Variants in RGPD1 observed in about 807,000 individuals in gnomAD.
RGPD1 encodes RANBP2 like and GRIP domain containing 1.
In RGPD1, 7 loss-of-function variants were observed where a neutral mutation model predicts 40.6. The ratio of observed to expected loss-of-function variants is 0.17; its 90% CI spans 0.10 to 0.32. RGPD1 has a LOEUF of 0.32. Ranked by LOEUF, RGPD1 falls within the 10% of genes least tolerant of loss-of-function variation. RGPD1 has a pLI of 1.00. For synonymous variants in RGPD1, 24 were observed against 167.0 expected, an observed-to-expected ratio of 0.14 and a Z score of 6.60; for missense variants, 50 against 472.5, an observed-to-expected ratio of 0.11 and a Z score of 8.29.
At chr2:86,915,492 A>C (rs1039113817) in intron 1 of RGPD1, among the ~76,000 whole-genome samples, 1 of 110,590 alleles carries the variant, frequency 9.0e-6, no homozygotes, top group African/African-American at 3.7e-5. Flanking sequence ...ATAATGGAAG[A>C]AATTAAATAA....
chr2:86,945,750 G>A (rs1169442313), intron 1 of RGPD1, among the ~76,000 whole-genome samples: 29 of 149,358 alleles, frequency 1.9e-4, no homozygotes, highest in African/African-American at 6.6e-4. Context: ...TGGTGGCAGC[G>A]CCTGTAGTCC....
intron 22 of RGPD1, among the ~76,000 whole-genome samples, chr2:87,009,055 C>T (rs1329257682): frequency 6.7e-6 from 1 of 148,806 alleles, no homozygotes; most frequent in Non-Finnish European, 1.5e-5. Context: ...CCTATAATGC[C>T]AGCAATTTGG....
intron 6 of RGPD1, among the ~76,000 whole-genome samples, chr2:86,962,613 T>C (rs1430135384): frequency 5.8e-4 from 77 of 133,036 alleles, no homozygotes; most frequent in East Asian, 3.0e-3. Flanking sequence ...CTGTCAGTTA[T>C]TTACTTATAA....
rs181126871 is a variant in RGPD1, at chr2:86,919,467, A to G, written c.72+5546A>G. On this transcript the variant is annotated intron_variant, in intron 1 of 22. Coordinates refer to the RGPD1 transcript ENST00000398193. ...CACTCAGAGTAAAGGCCATAGGCTT[A>G]TAAGGTGCCATGTGACCTAGCCCTT... Among the ~76,000 whole-genome samples the G allele has an allele frequency of 5.5e-5, 7 of 127,884 alleles. No homozygotes were observed. In the East Asian group the frequency reaches 1.6e-3, roughly 29 times the overall value. 83.9% of individuals were successfully genotyped at this position (127,884 alleles called of 152,430 possible). A position where few individuals can be genotyped will look rare whatever the true frequency, so the allele number is the denominator to read the frequency against.
At chr2:86,944,620 C>G (rs925791632) in intron 1 of RGPD1, among the ~76,000 whole-genome samples, 1 of 152,064 alleles carries the variant, frequency 6.6e-6, no homozygotes, top group African/African-American at 2.4e-5. Flanking sequence ...ACCATGTTGC[C>G]CAGGCTGTTC....
At chr2:86,931,928 A>G (rs1313558203) in intron 1 of RGPD1, among the ~76,000 whole-genome samples, 5 of 148,412 alleles carry the variant, frequency 3.4e-5, no homozygotes, top group Non-Finnish European at 7.4e-5. Context: ...TAATATATTC[A>G]TTATATATAT....
At chr2:86,931,972 T>C (rs1401036159) in intron 1 of RGPD1, among the ~76,000 whole-genome samples, 2 of 148,512 alleles carry the variant, frequency 1.3e-5, no homozygotes, top group African/African-American at 2.4e-5. Flanking sequence ...TATATATTTA[T>C]ATATAATATT....
intron 1 of RGPD1, among the ~76,000 whole-genome samples, chr2:86,934,197 T>TA (rs1679183388): frequency 7.4e-6 from 1 of 135,210 alleles, no homozygotes; most frequent in Admixed American, 7.4e-5. Context: ...CCATCTCTAC[T>TA]AAAAATACAA....
At chr2:86,939,185 A>C (rs1679552334), upstream of RGPD1, among the ~76,000 whole-genome samples, 1 of 93,472 alleles carries the variant, frequency 1.1e-5, no homozygotes, top group Non-Finnish European at 2.1e-5. Context: ...AAAAAAAAGT[A>C]GTGTGAAATG....
intron 1 of RGPD1, among the ~76,000 whole-genome samples, chr2:86,928,298 G>A (rs1170069165): frequency 6.6e-6 from 1 of 152,156 alleles, no homozygotes; most frequent in Non-Finnish European, 1.5e-5. Context: ...CCAGGAATGA[G>A]CCTGGTATGA....
At chr2:86,927,839 G>GA (rs1245993008) in intron 1 of RGPD1, among the ~76,000 whole-genome samples, 1 of 67,116 alleles carries the variant, frequency 1.5e-5, no homozygotes, top group African/African-American at 1.1e-4. Flanking sequence ...AGGATGTGGG[G>GA]ATCCCATCAA....
intron 1 of RGPD1, among the ~76,000 whole-genome samples, chr2:86,925,862 G>A (rs563062995): frequency 2.6e-5 from 4 of 152,076 alleles, no homozygotes; most frequent in Admixed American, 6.6e-5. Context: ...GAGCCACCAC[G>A]CCTGGCCTTG....
upstream of RGPD1, among the ~76,000 whole-genome samples, chr2:86,941,065 AAG>A (rs1679707181): frequency 6.6e-6 from 1 of 151,604 alleles, no homozygotes; most frequent in Admixed American, 6.6e-5. Context: ...GAAAAACAAA[AAG>A]GATAAAAAAT....
chr2:87,010,927 G>T (rs1224876232), intron 22 of RGPD1, among the ~76,000 whole-genome samples: 2 of 97,930 alleles, frequency 2.0e-5, no homozygotes, highest in African/African-American at 5.4e-5. Context: ...AAAAAATCAG[G>T]TTAATTCTGG....
chr2:86,918,412 C>T (rs1212860879), intron 1 of RGPD1, among the ~76,000 whole-genome samples: 2 of 146,114 alleles, frequency 1.4e-5, no homozygotes, highest in Admixed American at 1.4e-4. Context: ...CCAGGTAGCT[C>T]AGCTGTACCA....
chr2:86,954,704 T>C (rs982052001), intron 4 of RGPD1, among the ~76,000 whole-genome samples: 4 of 146,022 alleles, frequency 2.7e-5, no homozygotes, highest in African/African-American at 1.0e-4. Context: ...ATACTCAACC[T>C]GTTTAACCCG....
intron 1 of RGPD1, chr2:86,913,984 G>GGCGGC (rs1677573855): frequency 2.0e-6 from 2 of 990,436 alleles, no homozygotes; most frequent in African/African-American, 2.7e-5. Flanking sequence ...CGACCTGGCC[G>GGCGGC]GGCGGCGGCG....
At chr2:86,924,185 T>C (rs1192665287) in intron 1 of RGPD1, among the ~76,000 whole-genome samples, 1 of 150,518 alleles carries the variant, frequency 6.6e-6, no homozygotes, top group Non-Finnish European at 1.5e-5. Flanking sequence ...GGACAGAGTC[T>C]TGCTGTGTCA....
chr2:86,939,289 T>C (rs1337487140), upstream of RGPD1, among the ~76,000 whole-genome samples: 1 of 145,144 alleles, frequency 6.9e-6, no homozygotes, highest in African/African-American at 2.6e-5. Context: ...GATTCTCTCT[T>C]TGGATGCTGG....
Sources: gnomAD v4.1 joint callset for allele counts (sites outside exome capture counted in the v4.1 genomes callset) on GRCh38, gnomAD v4.1.1 for gene constraint, MANE v1.5 for transcripts, NCBI Gene and HGNC (gene_info 2026-07-23, HGNC 2026-07-21) for gene names.